The following TMEM117 variants were observed in gnomAD, a reference collection of about 807,000 sequenced individuals.
TMEM117 encodes the protein transmembrane protein 117.
TMEM117 carries 27 observed loss-of-function variants against 52.4 expected under a neutral mutation model. The ratio of observed to expected loss-of-function variants is 0.51; its 90% CI spans 0.38 to 0.71. TMEM117 has a LOEUF of 0.71. Ranked by LOEUF, TMEM117 falls within the 30% of genes least tolerant of loss-of-function variation. The probability of loss-of-function intolerance (pLI) is 0.00; values close to 1 mark genes in which losing one functional copy is unlikely to be tolerated. For synonymous variants in TMEM117, 215 were observed against 206.3 expected, an observed-to-expected ratio of 1.04 and a Z score of -0.36; for missense variants, 556 against 630.5, an observed-to-expected ratio of 0.88 and a Z score of 1.26.
At chr12:44,088,670 G>A (rs1359557457) in intron 3 of TMEM117, among the ~76,000 whole-genome samples, 2 of 152,136 alleles carry the variant, frequency 1.3e-5, no homozygotes, top group Non-Finnish European at 2.9e-5. Flanking sequence ...TGAAGATGTC[G>A]GGAGACTTCC....
chr12:43,948,107 T>G (rs1416032230), intron 3 of TMEM117, among the ~76,000 whole-genome samples: 1 of 151,970 alleles, frequency 6.6e-6, no homozygotes, highest in African/African-American at 2.4e-5. Flanking sequence ...TCTTATGGCT[T>G]TAGACATCTC....
chr12:44,060,258 A>G (rs931118651), intron 3 of TMEM117, among the ~76,000 whole-genome samples: 1 of 152,220 alleles, frequency 6.6e-6, no homozygotes, highest in Non-Finnish European at 1.5e-5. Context: ...AAGGAAATAA[A>G]TGGGAAAAGA....
At chr12:43,811,080 T>C in the TMEM117 span, among the ~76,000 whole-genome samples, 1 of 152,244 alleles carries the variant, frequency 6.6e-6, no homozygotes, top group African/African-American at 2.4e-5. Flanking sequence ...ATAATTTTTA[T>C]TCCTTAACAA....
chr12:44,370,092 A>G (rs1430277635), intron 6 of TMEM117, among the ~76,000 whole-genome samples: 1 of 152,192 alleles, frequency 6.6e-6, no homozygotes, highest in Non-Finnish European at 1.5e-5. Flanking sequence ...TTAAAATCAC[A>G]TGTTGGTTTA....
intron 2 of TMEM117, among the ~76,000 whole-genome samples, chr12:43,845,946 A>G (rs1478052231): frequency 6.6e-6 from 1 of 152,224 alleles, no homozygotes; most frequent in Non-Finnish European, 1.5e-5. Context: ...TATGAACATG[A>G]AAATAGCTTT....
At chr12:44,179,638 G>A (rs182430397) in intron 4 of TMEM117, among the ~76,000 whole-genome samples, 140 of 152,218 alleles carry the variant, frequency 9.2e-4, no homozygotes, top group African/African-American at 3.2e-3. Context: ...CCAATTGGTG[G>A]GTCTTTCTTC....
At chr12:44,105,651 G>A (rs1172586025) in intron 3 of TMEM117, among the ~76,000 whole-genome samples, 1 of 152,010 alleles carries the variant, frequency 6.6e-6, no homozygotes, top group Admixed American at 6.6e-5. Flanking sequence ...CTTGGACTGT[G>A]AACTTGAAAA....
At chr12:43,814,738 CTTTTTTTTTTTT>C in the TMEM117 span, among the ~76,000 whole-genome samples, 19 of 107,648 alleles carry the variant, frequency 1.8e-4, no homozygotes, top group East Asian at 5.3e-3. Context: ...GGGTTTGAAT[CTTTTTTTTTTTT>C]TTTTTTTTTT....
At chr12:43,891,216 T>C (rs1331196097) in intron 2 of TMEM117, among the ~76,000 whole-genome samples, 1 of 152,110 alleles carries the variant, frequency 6.6e-6, no homozygotes, top group Non-Finnish European at 1.5e-5. Flanking sequence ...GCATACCATG[T>C]GTTAGGTATT....
intron 5 of TMEM117, among the ~76,000 whole-genome samples, chr12:44,251,106 C>T (rs899860265): frequency 1.3e-5 from 2 of 152,144 alleles, no homozygotes; most frequent in East Asian, 1.9e-4. Flanking sequence ...TCCAAGATGC[C>T]GTGGTGTCAT....
chr12:44,237,237 G>A (rs956475463), intron 5 of TMEM117, among the ~76,000 whole-genome samples: 1 of 151,980 alleles, frequency 6.6e-6, no homozygotes, highest in African/African-American at 2.4e-5. Flanking sequence ...CATCTGCTTA[G>A]TTTTTCTTAT....
At position 44,355,206 on chromosome 12, in the gene TMEM117, A is replaced by G. The variant is rs547930589; in HGVS notation, c.769-21389A>G. On this transcript the variant is annotated intron_variant, in intron 6 of 7. Coordinates refer to ENST00000266534, the MANE Select transcript of TMEM117 (RefSeq NM_032256.3). ...TTGGCCTTTTCAGCTCTATATATTTATTTAGAAATATATCTGTCTTCTGGC... is the reference window on the plus strand; with the variant it reads ...TTGGCCTTTTCAGCTCTATATATTTGTTTAGAAATATATCTGTCTTCTGGC... Among the ~76,000 whole-genome samples, 3 of 152,144 alleles carry G rather than the reference A, an allele frequency of 2.0e-5. No individual in the cohort carries two copies. In the South Asian group the frequency reaches 6.2e-4, roughly 32 times the overall value.
chr12:44,366,671 A>T (rs966787558), intron 6 of TMEM117, among the ~76,000 whole-genome samples: 1 of 152,098 alleles, frequency 6.6e-6, no homozygotes, highest in South Asian at 2.1e-4. Context: ...ACTTTCTGTT[A>T]CATATTATCA....
intron 6 of TMEM117, among the ~76,000 whole-genome samples, chr12:44,369,837 G>A (rs908036873): frequency 6.6e-6 from 1 of 152,098 alleles, no homozygotes; most frequent in Non-Finnish European, 1.5e-5. Flanking sequence ...TTCCTCCTGA[G>A]AGAAAACTCC....
At chr12:44,252,754 G>A (rs1450326540) in intron 5 of TMEM117, among the ~76,000 whole-genome samples, 1 of 152,132 alleles carries the variant, frequency 6.6e-6, no homozygotes, top group Non-Finnish European at 1.5e-5. Context: ...AACCCTCCAA[G>A]CTTCAGTTGT....
At chr12:44,260,773 A>C (rs1950311385) in intron 5 of TMEM117, among the ~76,000 whole-genome samples, 1 of 152,196 alleles carries the variant, frequency 6.6e-6, no homozygotes, top group African/African-American at 2.4e-5. Context: ...CACCCCAGCT[A>C]GTTTCACAGT....
intron 3 of TMEM117, among the ~76,000 whole-genome samples, chr12:44,086,204 G>A (rs893169944): frequency 2.7e-5 from 4 of 148,640 alleles, no homozygotes; most frequent in African/African-American, 1.0e-4. Flanking sequence ...CTTGGATGTT[G>A]CTTCCAAGTC....
chr12:43,818,352 A>C, the TMEM117 span, among the ~76,000 whole-genome samples: 12 of 152,042 alleles, frequency 7.9e-5, no homozygotes, highest in African/African-American at 2.9e-4. Context: ...ATTTATAAAC[A>C]ATCTGCTCCC....
chr12:44,314,603 G>T (rs1592686832), intron 6 of TMEM117, among the ~76,000 whole-genome samples: 1 of 139,364 alleles, frequency 7.2e-6, no homozygotes, highest in Non-Finnish European at 1.5e-5. Context: ...GTCTCACTCT[G>T]TCGCCAAGGT....
Sources: allele counts gnomAD v4.1 joint callset (sites outside exome capture counted in the v4.1 genomes callset), GRCh38; gene constraint gnomAD v4.1.1; transcripts MANE v1.5; gene names NCBI Gene and HGNC (gene_info 2026-07-23, HGNC 2026-07-21).